GNAI1: variants seen among roughly 807,000 people sequenced by gnomAD.
GNAI1 encodes the protein G protein subunit alpha i1.
In GNAI1, 11 loss-of-function variants were observed where a neutral mutation model predicts 38.9. That is an observed-to-expected ratio of 0.28 (90% CI 0.18 to 0.47). The LOEUF is 0.47. Among genes scored for constraint, GNAI1 ranks in the 20% least tolerant of loss-of-function variants. The pLI is 0.99. For synonymous variants in GNAI1, 166 were observed against 145.1 expected (o/e 1.14, Z -1.04); for missense variants, 317 against 436.9 (o/e 0.73, Z 2.45).
In GNAI1 at chr7:80,217,335, A is replaced by T; in HGVS notation, c.907A>T (p.Ile303Phe). Residue 303 changes from isoleucine (I) to phenylalanine (F), a missense_variant, in exon 8 of 8, where the codon ATT becomes TTT. Transcript: ENST00000649796. Reference protein sequence around the residue: ...SNTYEEAAAYIQCQFEDLNKR... With the variant: ...SNTYEEAAAYFQCQFEDLNKR... ...CACATATGAAGAGGCAGCTGCATATATTCAATGTCAGTTTGAAGACCTCAA... is the reference window on the plus strand; with the variant it reads ...CACATATGAAGAGGCAGCTGCATATTTTCAATGTCAGTTTGAAGACCTCAA... The T allele has an allele frequency of 6.3e-7, 1 of 1,599,646 alleles. No individual in the cohort carries two copies. Among genetic ancestry groups the T allele is most frequent in the Non-Finnish European group, 8.5e-7 (1 of 1,173,980 alleles).
intron 4 of GNAI1, among the ~76,000 whole-genome samples, chr7:80,201,560 A>T (rs1278600758): frequency 6.6e-6 from 1 of 152,038 alleles, no homozygotes; most frequent in East Asian, 1.9e-4. Context: ...CTCTACAAAA[A>T]GTAAAAATAA....
rs902550799 is a variant in GNAI1 at position 80,224,239 on chromosome 7, A to G, written c.*6746A>G. On this transcript the variant is annotated 3_prime_UTR_variant, in exon 8 of 8. Transcript: ENST00000649796. Reference sequence around the variant, plus strand: ...TAGGTACTTTTCTGGGTACCTTACTAATGCTCTCATTTAGTCATCAGAGCA... The same window carrying G: ...TAGGTACTTTTCTGGGTACCTTACTGATGCTCTCATTTAGTCATCAGAGCA... Among the ~76,000 whole-genome samples, 16 of 152,216 alleles carry G rather than the reference A, an allele frequency of 1.1e-4. No individual in the cohort carries two copies. The highest frequency in any genetic ancestry group is 6.5e-5 in the Admixed American group (1 of 15,284).
chr7:80,208,808 A>AT (rs1788823563), intron 5 of GNAI1, among the ~76,000 whole-genome samples: 2 of 152,158 alleles, frequency 1.3e-5, no homozygotes, highest in African/African-American at 4.8e-5. Context: ...TAAATATCCA[A>AT]GTTCATTGCT....
chr7:80,156,058 A>AAAG (rs1554347388), intron 1 of GNAI1, among the ~76,000 whole-genome samples: 28 of 151,584 alleles, frequency 1.8e-4, no homozygotes, highest in Admixed American at 3.3e-4. Flanking sequence ...AAAAAAAAAA[A>AAAG]AAAAAGAAAG....
At chr7:80,147,712 TCTTAG>T (rs1292371132) in intron 1 of GNAI1, among the ~76,000 whole-genome samples, 1 of 152,202 alleles carries the variant, frequency 6.6e-6, no homozygotes, top group Non-Finnish European at 1.5e-5. Context: ...GGAATTCTGA[TCTTAG>T]AAAACTACCC....
intron 1 of GNAI1, among the ~76,000 whole-genome samples, chr7:80,184,296 C>G (rs757157499): frequency 6.6e-6 from 1 of 152,108 alleles, no homozygotes; most frequent in South Asian, 2.1e-4. Flanking sequence ...GCTGGTGACT[C>G]GAACGGTTAT....
chr7:80,185,543 A>G (rs1307178950), intron 1 of GNAI1, among the ~76,000 whole-genome samples: 3 of 151,974 alleles, frequency 2.0e-5, no homozygotes, highest in South Asian at 2.1e-4. Flanking sequence ...GTACACTTCA[A>G]CCCACTCCAA....
chr7:80,137,984 G>A (rs1240008234), intron 1 of GNAI1, among the ~76,000 whole-genome samples: 1 of 152,160 alleles, frequency 6.6e-6, no homozygotes, highest in Admixed American at 6.5e-5. Context: ...TAAAGCATAT[G>A]TGTAAGCAGC....
rs1477082377 is a variant in GNAI1 at position 80,221,354 on chromosome 7, C to T, written c.*3861C>T. Reference sequence around the variant, plus strand: ...AGAGGGGAGTGTGGAATGTATAAGCCGTCAATACAATTTGCTGTTATTTGA... The same window carrying T: ...AGAGGGGAGTGTGGAATGTATAAGCTGTCAATACAATTTGCTGTTATTTGA... On this transcript the variant is annotated 3_prime_UTR_variant, in exon 8 of 8. Coordinates refer to ENST00000649796, the MANE Select transcript of GNAI1 (RefSeq NM_002069.6). 6.6e-6 allele frequency among the ~76,000 whole-genome samples: 1 copy of T among 152,000 alleles called. No homozygotes were observed. The highest frequency in any genetic ancestry group is 1.5e-5 in the Non-Finnish European group (1 of 68,002).
intron 4 of GNAI1, among the ~76,000 whole-genome samples, chr7:80,201,106 A>G (rs1788678936): frequency 6.6e-6 from 1 of 152,224 alleles, no homozygotes. Flanking sequence ...ATCTTGTTTA[A>G]TAATGAATGA....
intron 1 of GNAI1, among the ~76,000 whole-genome samples, chr7:80,167,288 C>T (rs1207320672): frequency 6.6e-6 from 1 of 152,184 alleles, no homozygotes; most frequent in African/African-American, 2.4e-5. Flanking sequence ...GGAATGTAGA[C>T]ATTTGTAGCG....
At chr7:80,206,191 G>A (rs934304136) in intron 5 of GNAI1, among the ~76,000 whole-genome samples, 1 of 151,870 alleles carries the variant, frequency 6.6e-6, no homozygotes. Context: ...GAAAACTAAA[G>A]CTTTATTTCA....
intron 3 of GNAI1, among the ~76,000 whole-genome samples, chr7:80,193,404 G>A (rs1462425405): frequency 6.6e-6 from 1 of 152,128 alleles, no homozygotes; most frequent in Non-Finnish European, 1.5e-5. Flanking sequence ...TTAAAGACTG[G>A]TTATTTAAAA....
intron 1 of GNAI1, among the ~76,000 whole-genome samples, chr7:80,139,703 G>A (rs1317609655): frequency 2.0e-5 from 3 of 152,024 alleles, no homozygotes; most frequent in Admixed American, 1.3e-4. Flanking sequence ...GCCAAATTAT[G>A]TAAACAAAAA....
intron 1 of GNAI1, among the ~76,000 whole-genome samples, chr7:80,152,558 CTTTT>C (rs35141470): frequency 9.7e-6 from 1 of 103,012 alleles, no homozygotes; most frequent in East Asian, 2.7e-4. Flanking sequence ...GGTCTCAATT[CTTTT>C]TTTTTTTTTT....
At chr7:80,217,237 A>ACTTCAGTTTCATATGTATGAAACTGC (rs1562846634) in intron 7 of GNAI1, 66 bp from the exon 8 acceptor site, 1 of 1,037,956 alleles carries the variant, frequency 9.6e-7, no homozygotes, top group Admixed American at 2.5e-5. Flanking sequence ...TATGAAACTG[A>ACTTCAGTTTCATATGTATGAAACTGC]ATTCAGTATT....
chr7:80,154,577 A>G (rs923365788), intron 1 of GNAI1, among the ~76,000 whole-genome samples: 1 of 152,208 alleles, frequency 6.6e-6, no homozygotes, highest in East Asian at 1.9e-4. Context: ...GATTCTTCTT[A>G]CATAAACAAG....
intron 1 of GNAI1, among the ~76,000 whole-genome samples, chr7:80,159,630 C>A (rs1787883251): frequency 6.6e-6 from 1 of 152,150 alleles, no homozygotes; most frequent in Non-Finnish European, 1.5e-5. Flanking sequence ...TGAGAACATT[C>A]AGCACAACAC....
At chr7:80,191,782 A>G (rs1235362015) in intron 3 of GNAI1, among the ~76,000 whole-genome samples, 1 of 152,218 alleles carries the variant, frequency 6.6e-6, no homozygotes, top group Non-Finnish European at 1.5e-5. Flanking sequence ...CTGAATTTTG[A>G]TAGGTACCAC....
Sources: allele counts gnomAD v4.1 joint callset (sites outside exome capture counted in the v4.1 genomes callset), GRCh38; gene constraint gnomAD v4.1.1; transcripts MANE v1.5; gene names NCBI Gene and HGNC (gene_info 2026-07-23, HGNC 2026-07-21).